Variants in FAT4 observed in about 807,000 individuals in gnomAD.
FAT4 encodes protocadherin Fat 4.
A neutral mutation model predicts 303.9 loss-of-function variants in FAT4; 84 were observed. The ratio of observed to expected loss-of-function variants is 0.28; its 90% CI spans 0.23 to 0.33. The LOEUF (loss-of-function observed/expected upper bound fraction) is 0.33, where lower values mean the gene tolerates loss of function less well. FAT4 is among the 10% of genes least tolerant of loss of function. The pLI, the probability that FAT4 is intolerant of heterozygous loss-of-function variation, is 1.00. For missense variants in FAT4, 6,005 were observed against 6,146.8 expected, an observed-to-expected ratio of 0.98 and a Z score of 0.77; for synonymous variants, 2,307 against 2,298.8, an observed-to-expected ratio of 1.00 and a Z score of -0.10.
intron 2 of FAT4, among the ~76,000 whole-genome samples, chr4:125,367,833 T>C (rs1406045202): frequency 1.3e-5 from 2 of 152,196 alleles, no homozygotes; most frequent in Admixed American, 1.3e-4. Context: ...ACATTGGCTT[T>C]GGTAACTTTT....
intron 5 of FAT4, among the ~76,000 whole-genome samples, chr4:125,410,730 AAAAG>A (rs1357142687): frequency 2.6e-5 from 4 of 152,166 alleles, no homozygotes; most frequent in Non-Finnish European, 5.9e-5. Context: ...ATTAAAAAGA[AAAAG>A]AAAAGAATTT....
At chr4:125,339,114 T>C (rs1166557134) in intron 2 of FAT4, among the ~76,000 whole-genome samples, 1 of 152,192 alleles carries the variant, frequency 6.6e-6, no homozygotes, top group East Asian at 1.9e-4. Flanking sequence ...GACATATTTT[T>C]ACATCCTGGT....
At chr4:125,386,637 G>A (rs1348870960) in intron 2 of FAT4, among the ~76,000 whole-genome samples, 1 of 152,044 alleles carries the variant, frequency 6.6e-6, no homozygotes, top group African/African-American at 2.4e-5. Context: ...AATTGATTTT[G>A]ATAAGTTGAA....
chr4:125,339,386 C>T (rs1219498621), intron 2 of FAT4, among the ~76,000 whole-genome samples: 2 of 151,830 alleles, frequency 1.3e-5, no homozygotes, highest in Non-Finnish European at 2.9e-5. Flanking sequence ...TTAGTAGAGA[C>T]GGGGTTTCAC....
chr4:125,334,333 C>T (rs1009899744), intron 2 of FAT4, among the ~76,000 whole-genome samples: 1 of 152,086 alleles, frequency 6.6e-6, no homozygotes, highest in Admixed American at 6.6e-5. Flanking sequence ...GCCCCCTCAC[C>T]TCTTCCCATG....
intron 8 of FAT4, among the ~76,000 whole-genome samples, chr4:125,437,384 A>G (rs1186845785): frequency 6.6e-6 from 1 of 152,170 alleles, no homozygotes; most frequent in Non-Finnish European, 1.5e-5. Context: ...CAACAGAGGA[A>G]ATGCAGGACA....
intron 10 of FAT4, among the ~76,000 whole-genome samples, chr4:125,462,371 T>G (rs116432068): frequency 0.025 from 3,779 of 152,012 alleles, 160 homozygotes; most frequent in African/African-American, 0.087. Flanking sequence ...TTAGTGAAAT[T>G]GGGCTGGGAA....
rs202100096 is a variant in FAT4 at position 125,354,765 on chromosome 4, A to AAC, written c.5175+33180_5175+33181insCA. On this transcript the variant is annotated intron_variant, in intron 2 of 17. Coordinates refer to ENST00000394329, the MANE Select transcript of FAT4 (RefSeq NM_001291303.3). ...TCAGAGTTTAATGAAAAAAAAAAAAAAAACTGGTTAGAACAGTTGGGTAAG... is the reference window on the plus strand; with the variant it reads ...TCAGAGTTTAATGAAAAAAAAAAAAAACAAACTGGTTAGAACAGTTGGGTAAG... Among the ~76,000 whole-genome samples, 724 of 151,608 alleles carry AAC rather than the reference A, an allele frequency of 4.8e-3. 28 individuals carry two copies. The South Asian group carries it at 0.068, about 14-fold the overall frequency.
chr4:125,479,243 A>AT (rs1560632896), intron 14 of FAT4, among the ~76,000 whole-genome samples: 1 of 151,944 alleles, frequency 6.6e-6, no homozygotes, highest in Non-Finnish European at 1.5e-5. Context: ...CTCTATAGCT[A>AT]TTTTTTTCTT....
At position 125,386,622 on chromosome 4, in the gene FAT4, C is replaced by CA. The variant is rs543020419; in HGVS notation, c.5176-12156dup. 1.3e-3 allele frequency among the ~76,000 whole-genome samples: 200 copies of CA among 152,100 alleles called. 2 individuals carry two copies. Among genetic ancestry groups the CA allele is most frequent in the Non-Finnish European group, 5.6e-4 (38 of 67,974 alleles). On this transcript the variant is annotated intron_variant, in intron 2 of 17. Transcript: ENST00000394329. ...ATAGAATTAAAGAACAATGCATTTC[C>CA]AAAAAATTGATTTTGATAAGTTGAA...
chr4:125,370,544 TTGA>T (rs1302819346), intron 2 of FAT4, among the ~76,000 whole-genome samples: 1 of 152,134 alleles, frequency 6.6e-6, no homozygotes, highest in Non-Finnish European at 1.5e-5. Context: ...ACAGTGTGTC[TTGA>T]TGAAAGAGGA....
At chr4:125,400,060 C>CA (rs1239637833) in intron 3 of FAT4, among the ~76,000 whole-genome samples, 8 of 151,724 alleles carry the variant, frequency 5.3e-5, no homozygotes, top group Non-Finnish European at 1.0e-4. Flanking sequence ...GCAGCAATAA[C>CA]AAAAAACTCA....
chr4:125,415,123 C>A lies in FAT4; in HGVS notation c.6160C>A (p.Pro2054Thr). 6.2e-7 allele frequency: 1 copy of A among 1,613,978 alleles called. No homozygotes were observed. The highest frequency in any genetic ancestry group is 8.5e-7 in the Non-Finnish European group (1 of 1,179,916). Residue 2054 changes from proline (P) to threonine (T), a missense_variant, in exon 6 of 18, where the codon CCT becomes ACT. By Grantham distance (38) the Pro-to-Thr change is conservative. Coordinates refer to ENST00000394329, the MANE Select transcript of FAT4 (RefSeq NM_001291303.3). Reference sequence around the variant, plus strand: ...TGATAACCCACCGACATTTCTTTCCCCTAAATTGACATACATTCCAGAAAA... The same window carrying A: ...TGATAACCCACCGACATTTCTTTCCACTAAATTGACATACATTCCAGAAAA... ...VNDNPPTFLS[P>T]KLTYIPENTP...
At chr4:125,386,015 A>T (rs1257982825) in intron 2 of FAT4, among the ~76,000 whole-genome samples, 1 of 151,906 alleles carries the variant, frequency 6.6e-6, no homozygotes, top group Non-Finnish European at 1.5e-5. Context: ...TCTGTTAATT[A>T]GTTTTAACTC....
At chr4:125,400,658 C>A (rs1239839017) in intron 3 of FAT4, among the ~76,000 whole-genome samples, 1 of 151,540 alleles carries the variant, frequency 6.6e-6, no homozygotes, top group African/African-American at 2.4e-5. Context: ...GGTATTTAGA[C>A]CAACACTGGT....
chr4:125,316,259 C>G lies in FAT4; in HGVS notation c.-12-141C>G. The G allele has an allele frequency of 9.7e-7, 1 of 1,030,862 alleles. No homozygotes were observed. Among genetic ancestry groups the G allele is most frequent in the Non-Finnish European group, 1.4e-6 (1 of 710,668 alleles). 63.9% of individuals were successfully genotyped at this position (1,030,862 alleles called of 1,614,324 possible). ...TAGAGTCTTTTGCTGATGCTACTTGCTTTTGCCGGACTGGAGGTTCTTTGA... is the reference window on the plus strand; with the variant it reads ...TAGAGTCTTTTGCTGATGCTACTTGGTTTTGCCGGACTGGAGGTTCTTTGA... On this transcript the variant is annotated intron_variant, in intron 1 of 17. Transcript: ENST00000394329. This position sits in a 1 kb window ranked among gnomAD's most constrained non-coding sequence, Gnocchi z 5.7.
Position 125,318,204 on chromosome 4 carries a change from C to A in FAT4, c.1793C>A (p.Thr598Lys), listed in dbSNP as rs1345879255. The change falls in exon 2 of 18, where the codon ACA becomes AAA. Residue 598 changes from threonine to lysine, a missense_variant. Thr to Lys is a moderately conservative substitution (Grantham distance 78, BLOSUM62 -1). Coordinates refer to ENST00000394329, the MANE Select transcript of FAT4 (RefSeq NM_001291303.3). ...GTGTCTGTGGTTGAGAATGCCCCAA[C>A]AGGGACAGAACTGTTGATGCTCAGG... The part of the protein sequence containing the change: ...YDVSVVENAP[T>K]GTELLMLRAT... 3 of 1,614,224 alleles carry A rather than the reference C, an allele frequency of 1.9e-6. No individual in the cohort carries two copies. Among genetic ancestry groups the A allele is most frequent in the South Asian group, 2.2e-5 (2 of 91,088 alleles).
At chr4:125,485,490 A>G (rs1727376701) in intron 16 of FAT4, among the ~76,000 whole-genome samples, 1 of 152,246 alleles carries the variant, frequency 6.6e-6, no homozygotes, top group East Asian at 1.9e-4. Context: ...CAGCCTACAC[A>G]GGGTCAGTAT....
At chr4:125,390,413 C>T (rs1287989960) in intron 2 of FAT4, among the ~76,000 whole-genome samples, 2 of 152,122 alleles carry the variant, frequency 1.3e-5, no homozygotes, top group Admixed American at 1.3e-4. Flanking sequence ...AAGGAAGCAA[C>T]AGCTGAGGCG....
Sources: allele counts gnomAD v4.1 joint callset (sites outside exome capture counted in the v4.1 genomes callset), GRCh38; gene constraint gnomAD v4.1.1; non-coding constraint Gnocchi (gnomAD v3.1); transcripts MANE v1.5; gene names NCBI Gene and HGNC (gene_info 2026-07-23, HGNC 2026-07-21).